LOXHD1: variants seen among roughly 807,000 people sequenced by gnomAD.
LOXHD1 encodes the protein lipoxygenase homology PLAT domains 1, also known as lipoxygenase homology domain-containing protein 1.
Under a neutral mutation model 248.2 loss-of-function variants are expected in LOXHD1, and 205 were observed. That is an observed-to-expected ratio of 0.83 (90% CI 0.74 to 0.93). The LOEUF (loss-of-function observed/expected upper bound fraction) is 0.93, where lower values mean the gene tolerates loss of function less well. Ranked by LOEUF, LOXHD1 falls within the 40% of genes least tolerant of loss-of-function variation. The pLI, the probability that LOXHD1 is intolerant of heterozygous loss-of-function variation, is 0.00. For synonymous variants in LOXHD1, 1,113 were observed against 1,162.8 expected, an observed-to-expected ratio of 0.96 and a Z score of 0.87; for missense variants, 2,930 against 2,971.6, an observed-to-expected ratio of 0.99 and a Z score of 0.33.
chr18:46,595,110 T>C (rs1448928534), intron 8 of LOXHD1, among the ~76,000 whole-genome samples: 3 of 152,228 alleles, frequency 2.0e-5, no homozygotes, highest in African/African-American at 4.8e-5. Context: ...AAAACTAATC[T>C]GACCCTCCCA....
In LOXHD1 at chr18:46,541,635, A is replaced by T. The variant is rs1179842236; in HGVS notation, c.3913+141T>A. On this transcript the variant is annotated intron_variant, in intron 25 of 40. Transcript: ENST00000642948. ...CCCACAGCCCCCACAGAGTCAGAAA[A>T]TTCAGGACAGGGATGAAAGACCAAA... 3 of 841,276 alleles carry T rather than the reference A, an allele frequency of 3.6e-6. No individual in the cohort carries two copies. In the Admixed American group the frequency reaches 7.5e-5, roughly 21 times the overall value. 52.1% of individuals were successfully genotyped at this position (841,276 alleles called of 1,614,324 possible).
chr18:46,637,002 C>T (rs1183077306), intron 4 of LOXHD1, among the ~76,000 whole-genome samples: 1 of 151,980 alleles, frequency 6.6e-6, no homozygotes, highest in Non-Finnish European at 1.5e-5. Flanking sequence ...AAAAATTAGC[C>T]GGGTGTGGTG....
chr18:46,518,357 C>T, intron 33 of LOXHD1, 101 bp from the exon 34 acceptor site: 1 of 1,398,284 alleles, frequency 7.2e-7, no homozygotes, highest in Admixed American at 2.2e-5. Flanking sequence ...TGTCCAAGTT[C>T]CACAGCTCTG....
rs1460899451 is a variant in LOXHD1, at chr18:46,524,848, A to C, written c.4600T>G (p.Ser1534Ala). 6.4e-7 allele frequency: 1 copy of C among 1,551,684 alleles called. No individual in the cohort carries two copies. The highest frequency in any genetic ancestry group is 8.7e-7 in the Non-Finnish European group (1 of 1,146,994). The part of the protein sequence containing the change: ...IYKIKLRHDN[S>A]KWCADWYVEK... ...ACGTACCAGTCTGCGCACCACTTGGAGTTGTCATGGCGGAGCTTGATCTTG... is the reference window on the plus strand; with the variant it reads ...ACGTACCAGTCTGCGCACCACTTGGCGTTGTCATGGCGGAGCTTGATCTTG... The change falls in exon 30 of 41, where the codon TCC becomes GCC. Residue 1534 changes from serine to alanine, a missense_variant. Transcript: ENST00000642948.
At chr18:46,593,986 G>A (rs548369045) in intron 9 of LOXHD1, among the ~76,000 whole-genome samples, 1 of 152,138 alleles carries the variant, frequency 6.6e-6, no homozygotes, top group Admixed American at 6.5e-5. Flanking sequence ...AAGTGTATTC[G>A]TATGTTTTAA....
At chr18:46,582,026 C>T (rs1249135191) in intron 12 of LOXHD1, among the ~76,000 whole-genome samples, 1 of 152,076 alleles carries the variant, frequency 6.6e-6, no homozygotes, top group East Asian at 1.9e-4. Flanking sequence ...GCATATCTGT[C>T]AAGAAATATT....
chr18:46,520,382 A>T (rs1010204425), intron 33 of LOXHD1: 3 of 453,808 alleles, frequency 6.6e-6, no homozygotes, highest in African/African-American at 6.1e-5. Flanking sequence ...CCTTCTGTTG[A>T]CCCCATAGCC....
At chr18:46,534,630 C>T (rs1598938832) in intron 26 of LOXHD1, among the ~76,000 whole-genome samples, 179 bp from the exon 27 acceptor site, 1 of 152,276 alleles carries the variant, frequency 6.6e-6, no homozygotes, top group South Asian at 2.1e-4. Context: ...CATGCTTATG[C>T]CTCATGTCCC....
intron 26 of LOXHD1, 144 bp downstream of exon 26, chr18:46,538,012 A>C: frequency 1.4e-6 from 1 of 697,896 alleles, no homozygotes; most frequent in Non-Finnish European, 2.3e-6. Flanking sequence ...ACTGAGGCCC[A>C]GGAAGGTAGG....
At chr18:46,646,192 G>C (rs982752226) in intron 2 of LOXHD1, among the ~76,000 whole-genome samples, 2 of 152,328 alleles carry the variant, frequency 1.3e-5, no homozygotes, top group Admixed American at 6.5e-5. Context: ...GCAGCAGACA[G>C]TGAGGTGCGA....
chr18:46,548,364 CT>C (rs1459759884), intron 21 of LOXHD1, among the ~76,000 whole-genome samples: 1 of 152,176 alleles, frequency 6.6e-6, no homozygotes, highest in Non-Finnish European at 1.5e-5. Context: ...CCACATTTTG[CT>C]AGAGTCTTCA....
chr18:46,582,825 G>A (rs574542139), intron 12 of LOXHD1, among the ~76,000 whole-genome samples: 3 of 152,262 alleles, frequency 2.0e-5, no homozygotes, highest in South Asian at 4.1e-4. Flanking sequence ...ATAATAGCTT[G>A]GGACAGCAGG....
chr18:46,581,369 G>C (rs1441696841), intron 12 of LOXHD1, among the ~76,000 whole-genome samples: 1 of 152,138 alleles, frequency 6.6e-6, no homozygotes, highest in Non-Finnish European at 1.5e-5. Flanking sequence ...TTTTTGGCTT[G>C]GGCAATTAGA....
intron 37 of LOXHD1, among the ~76,000 whole-genome samples, chr18:46,503,202 T>C (rs2034344374): frequency 6.6e-6 from 1 of 152,158 alleles, no homozygotes; most frequent in African/African-American, 2.4e-5. Context: ...ATAATGTACT[T>C]CTTTCTGATT....
chr18:46,586,124 G>T (rs1277488452), intron 12 of LOXHD1, among the ~76,000 whole-genome samples: 1 of 152,152 alleles, frequency 6.6e-6, no homozygotes, highest in Admixed American at 6.5e-5. Flanking sequence ...AAAACATTAT[G>T]TTAATTGAAA....
At chr18:46,477,100 T>C (rs546561688), downstream of LOXHD1, 67 of 709,064 alleles carry the variant, frequency 9.4e-5, no homozygotes, top group East Asian at 1.8e-3. Flanking sequence ...TGGGGAAAAG[T>C]GTTAATTAGT....
rs561279082 is a variant in LOXHD1 at position 46,505,806 on chromosome 18, C to T, written c.5878+32G>A. The T allele has an allele frequency of 1.4e-3, 2,206 of 1,550,980 alleles. 12 individuals carry two copies. The highest frequency in any genetic ancestry group is 8.7e-3 in the Middle Eastern group (52 of 5,980). Reference sequence around the variant, plus strand: ...CTCAGGAAGGGAGCTGAGGGCTGCCCTCCCACCAACCTGGCCTTGAGTGGG... The same window carrying T: ...CTCAGGAAGGGAGCTGAGGGCTGCCTTCCCACCAACCTGGCCTTGAGTGGG... On this transcript the variant is annotated intron_variant, in intron 37 of 40. Coordinates refer to ENST00000642948, the MANE Select transcript of LOXHD1 (RefSeq NM_001384474.1).
intron 22 of LOXHD1, among the ~76,000 whole-genome samples, chr18:46,545,627 C>CT (rs56323729): frequency 0.086 from 7,899 of 92,094 alleles, 910 homozygotes; most frequent in Non-Finnish European, 0.11. Context: ...TTGGCCATTT[C>CT]TTTTTTTTTT....
chr18:46,613,261 T>C (rs2038535093), intron 5 of LOXHD1, among the ~76,000 whole-genome samples: 1 of 152,184 alleles, frequency 6.6e-6, no homozygotes, highest in Non-Finnish European at 1.5e-5. Flanking sequence ...CATATTCTTG[T>C]ATATCCTTCA....
Sources: gnomAD v4.1 joint callset for allele counts (sites outside exome capture counted in the v4.1 genomes callset) on GRCh38, gnomAD v4.1.1 for gene constraint, MANE v1.5 for transcripts, NCBI Gene and HGNC (gene_info 2026-07-23, HGNC 2026-07-21) for gene names.